DACH1: variants seen among roughly 807,000 people sequenced by gnomAD.
DACH1 encodes dachshund homolog 1.
Under a neutral mutation model 54.2 loss-of-function variants are expected in DACH1, and 12 were observed. The observed-to-expected ratio is 0.22, with a 90% confidence interval of 0.14 to 0.36. DACH1 has a LOEUF of 0.36. DACH1 is among the 10% of genes least tolerant of loss of function. The pLI, the probability that DACH1 is intolerant of heterozygous loss-of-function variation, is 1.00. For synonymous variants in DACH1, 386 were observed against 366.2 expected, an observed-to-expected ratio of 1.05 and a Z score of -0.62; for missense variants, 805 against 929.8, an observed-to-expected ratio of 0.87 and a Z score of 1.75.
intron 2 of DACH1, among the ~76,000 whole-genome samples, chr13:71,658,803 T>A (rs1879307200): frequency 6.6e-6 from 1 of 152,258 alleles, no homozygotes; most frequent in South Asian, 2.1e-4. Context: ...AATGTGTACA[T>A]AGTTTCAAAG....
At chr13:71,775,727 C>T (rs1249776376) in intron 1 of DACH1, among the ~76,000 whole-genome samples, 1 of 152,020 alleles carries the variant, frequency 6.6e-6, no homozygotes, top group Non-Finnish European at 1.5e-5. Flanking sequence ...CAATGATAGG[C>T]AGTAAACAGA....
chr13:71,758,988 T>C (rs1016082984), intron 1 of DACH1, among the ~76,000 whole-genome samples: 9 of 151,886 alleles, frequency 5.9e-5, no homozygotes, highest in Non-Finnish European at 8.8e-5. Flanking sequence ...GCCCTTGTCA[T>C]CAAGTCGTTC....
chr13:71,748,883 TTTCTTTC>T (rs1884757813), intron 1 of DACH1, among the ~76,000 whole-genome samples: 1 of 17,476 alleles, frequency 5.7e-5, no homozygotes, highest in Non-Finnish European at 3.0e-4. Context: ...TCTTTCTTTC[TTTCTTTC>T]TTTCTTTCTC....
At chr13:71,538,117 A>G (rs185469709) in intron 6 of DACH1, among the ~76,000 whole-genome samples, 6 of 152,154 alleles carry the variant, frequency 3.9e-5, no homozygotes, top group African/African-American at 1.4e-4. Flanking sequence ...TTAAAACTCA[A>G]TGCCCCACAC....
intron 10 of DACH1, among the ~76,000 whole-genome samples, chr13:71,463,120 C>G (rs1876246603): frequency 6.6e-6 from 1 of 151,976 alleles, no homozygotes; most frequent in African/African-American, 2.4e-5. Context: ...GCACTACTCT[C>G]TTAGCACTAA....
intron 1 of DACH1, among the ~76,000 whole-genome samples, chr13:71,793,867 G>T (rs780859237): frequency 2.0e-5 from 3 of 152,180 alleles, no homozygotes; most frequent in South Asian, 4.1e-4. Flanking sequence ...GGTTTAGAAA[G>T]TTTAAGTAAC....
In DACH1 at chr13:71,813,976, ATGT is replaced by A. The variant is rs543172183; in HGVS notation, c.848+51943_848+51945del. Among the ~76,000 whole-genome samples, 47 of 152,310 alleles carry A rather than the reference ATGT, an allele frequency of 3.1e-4. 1 individual carries two copies. The highest frequency in any genetic ancestry group is 6.3e-4 in the Non-Finnish European group (43 of 68,034). ...CAAGCCAAGGAGTGTCTCCACAGTG[ATGT>A]TGTAGTCTCGGAATAATTATTTGAG... On this transcript the variant is annotated intron_variant, in intron 1 of 10. Transcript: ENST00000613252.
chr13:71,622,144 T>C (rs1876294934), intron 3 of DACH1, among the ~76,000 whole-genome samples: 1 of 152,158 alleles, frequency 6.6e-6, no homozygotes, highest in South Asian at 2.1e-4. Context: ...GTTTCACTAT[T>C]TTATATTAGA....
intron 3 of DACH1, chr13:71,573,458 A>C (rs1390258841): frequency 1.4e-6 from 1 of 716,680 alleles, no homozygotes. Flanking sequence ...GGTTGAGAGG[A>C]TGACTAAGTG....
chr13:71,847,256 A>G (rs1048701997), intron 1 of DACH1, among the ~76,000 whole-genome samples: 2 of 152,204 alleles, frequency 1.3e-5, no homozygotes, highest in Non-Finnish European at 2.9e-5. Context: ...AATCTAAAAC[A>G]TATGTATTTG....
At chr13:71,520,796 G>A (rs927968370) in intron 6 of DACH1, among the ~76,000 whole-genome samples, 2 of 151,474 alleles carry the variant, frequency 1.3e-5, no homozygotes, top group Non-Finnish European at 3.0e-5. Context: ...AAAGAAGAAA[G>A]GGAAATTTAA....
At chr13:71,589,281 T>C (rs1391827918) in intron 3 of DACH1, among the ~76,000 whole-genome samples, 1 of 152,024 alleles carries the variant, frequency 6.6e-6, no homozygotes, top group Non-Finnish European at 1.5e-5. Flanking sequence ...TTTATTACAC[T>C]GTTGGTTGGT....
rs1195408111 is a variant in DACH1 at position 71,866,508 on chromosome 13, TGCCGCC to T, written c.256_261del (p.Gly86_Gly87del). On this transcript the variant is annotated inframe_deletion, in exon 1 of 11. Coordinates refer to ENST00000613252, the MANE Select transcript of DACH1 (RefSeq NM_080759.6). Reference sequence around the variant, plus strand: ...CCACCGCCGCCTCCGTTGCCGCTGCTGCCGCCGCCGCCTCCGCTGCCGCCGCCGCCG... The same window carrying T: ...CCACCGCCGCCTCCGTTGCCGCTGCTGCCGCCTCCGCTGCCGCCGCCGCCG... 1 of 1,213,316 alleles carries T rather than the reference TGCCGCC, an allele frequency of 8.2e-7. No individual in the cohort carries two copies. Among genetic ancestry groups the T allele is most frequent in the Non-Finnish European group, 1.0e-6 (1 of 981,158 alleles). 75.2% of individuals were successfully genotyped at this position (1,213,316 alleles called of 1,614,324 possible).
rs373769870 is a variant in DACH1 at position 71,475,697 on chromosome 13, C to A, written c.2014+9G>T. On this transcript the variant is annotated intron_variant, in intron 9 of 10. Coordinates refer to ENST00000613252, the MANE Select transcript of DACH1 (RefSeq NM_080759.6). ...ACAGTTATTCATGCAATAATATACA[C>A]CCTCTTACCATTTAAGACCCTGAGA... is the stretch of plus-strand genomic sequence containing the variant. 6 of 1,606,798 alleles carry A rather than the reference C, an allele frequency of 3.7e-6. No homozygotes were observed. Among genetic ancestry groups the A allele is most frequent in the East Asian group, 4.5e-5 (2 of 44,570 alleles).
chr13:71,711,362 G>A (rs1297894972), intron 1 of DACH1, among the ~76,000 whole-genome samples: 2 of 152,104 alleles, frequency 1.3e-5, no homozygotes, highest in African/African-American at 4.8e-5. Flanking sequence ...TTCTCTTGAA[G>A]GTTTTTAACA....
At chr13:71,463,199 T>TA (rs898059495) in intron 10 of DACH1, among the ~76,000 whole-genome samples, 3 of 151,976 alleles carry the variant, frequency 2.0e-5, no homozygotes, top group Non-Finnish European at 4.4e-5. Context: ...ATTAGTAAAA[T>TA]AAAATCTGTA....
intron 2 of DACH1, among the ~76,000 whole-genome samples, chr13:71,644,233 T>C (rs570665416): frequency 6.6e-6 from 1 of 152,310 alleles, no homozygotes; most frequent in East Asian, 1.9e-4. Flanking sequence ...GCAGAAATCC[T>C]TCCTCTGTCA....
chr13:71,540,698 T>C (rs1285646703), intron 6 of DACH1, among the ~76,000 whole-genome samples: 2 of 152,058 alleles, frequency 1.3e-5, no homozygotes, highest in Non-Finnish European at 2.9e-5. Flanking sequence ...TGAAACCTTA[T>C]AGAGCTCTGA....
At chr13:71,828,223 T>C (rs898540063) in intron 1 of DACH1, among the ~76,000 whole-genome samples, 1 of 152,000 alleles carries the variant, frequency 6.6e-6, no homozygotes, top group African/African-American at 2.4e-5. Flanking sequence ...TTTTCTGTGC[T>C]AAACTCTTCT....
Sources: gnomAD v4.1 joint callset for allele counts (sites outside exome capture counted in the v4.1 genomes callset) on GRCh38, gnomAD v4.1.1 for gene constraint, MANE v1.5 for transcripts, NCBI Gene and HGNC (gene_info 2026-07-23, HGNC 2026-07-21) for gene names.